The following GFRA2 variants were observed in gnomAD, a reference collection of about 807,000 sequenced individuals.
GFRA2 encodes the protein GDNF family receptor alpha 2, also known as GDNF family receptor alpha-2.
In GFRA2, 17 loss-of-function variants were observed where a neutral mutation model predicts 48.3. The observed-to-expected ratio is 0.35, with a 90% confidence interval of 0.24 to 0.53. The LOEUF is 0.53. GFRA2 is among the 20% of genes least tolerant of loss of function. GFRA2 has a pLI of 0.93. For synonymous variants in GFRA2, 305 were observed against 257.2 expected (o/e 1.19, Z -1.78); for missense variants, 660 against 637.3 (o/e 1.04, Z -0.38).
At chr8:21,698,250 C>T (rs1408969954) in intron 7 of GFRA2, among the ~76,000 whole-genome samples, 1 of 152,172 alleles carries the variant, frequency 6.6e-6, no homozygotes, top group African/African-American at 2.4e-5. Context: ...AAGAGCTGAC[C>T]CCTGAGGGCT....
chr8:21,721,543 C>T (rs779680898), intron 4 of GFRA2, among the ~76,000 whole-genome samples: 51 of 152,220 alleles, frequency 3.4e-4, no homozygotes, highest in Non-Finnish European at 5.7e-4. Flanking sequence ...ACGCCCGCTG[C>T]ACCTCTCCAT....
At chr8:21,724,609 G>T (rs1019463528) in intron 4 of GFRA2, among the ~76,000 whole-genome samples, 1 of 152,170 alleles carries the variant, frequency 6.6e-6, no homozygotes, top group Non-Finnish European at 1.5e-5. Flanking sequence ...GAGACCAGAT[G>T]GTTGGTGATC....
Position 21,782,862 on chromosome 8 carries a change from C to T in GFRA2, c.78G>A (p.Leu26=). The T allele has an allele frequency of 6.4e-7, 1 of 1,567,506 alleles. No homozygotes were observed. The change falls in exon 2 of 9, where the codon CTG becomes CTA. Residue 26 remains leucine (L), a synonymous_variant. Coordinates refer to ENST00000524240, the MANE Select transcript of GFRA2 (RefSeq NM_001495.5). ...TLRSLASPSS[L]QGPELHGWRP... is the part of the protein sequence containing the mutation. ...GCCAGCCGTGGAGCTCGGGGCCCTG[C>T]AGGGAGGAAGGGCTGGCCAAAGAGC...
At chr8:21,803,856 C>T (rs1375161755) in intron 2 of GFRA2, among the ~76,000 whole-genome samples, 3 of 152,138 alleles carry the variant, frequency 2.0e-5, no homozygotes, top group Non-Finnish European at 2.9e-5. Context: ...TAGTCTGAAA[C>T]TCCCAGCGAC....
At chr8:21,783,975 T>C (rs1372781722) in intron 1 of GFRA2, among the ~76,000 whole-genome samples, 2 of 152,084 alleles carry the variant, frequency 1.3e-5, no homozygotes, top group Admixed American at 6.5e-5. Flanking sequence ...CTATCTCTTA[T>C]TTTGTTCTTC....
intron 7 of GFRA2, among the ~76,000 whole-genome samples, chr8:21,697,299 T>A (rs559522670): frequency 6.9e-6 from 1 of 143,948 alleles, no homozygotes; most frequent in Admixed American, 6.9e-5. Flanking sequence ...AGGGAAGAAA[T>A]AGAGGAAGGA....
intron 3 of GFRA2, among the ~76,000 whole-genome samples, chr8:21,771,758 G>A (rs1355603091): frequency 1.3e-5 from 2 of 152,166 alleles, no homozygotes; most frequent in African/African-American, 2.4e-5. Flanking sequence ...CCTCCCTGGT[G>A]TCCCACCTGG....
intron 3 of GFRA2, among the ~76,000 whole-genome samples, chr8:21,754,517 T>C (rs944109017): frequency 1.6e-5 from 2 of 125,100 alleles, no homozygotes; most frequent in Non-Finnish European, 1.9e-5. Flanking sequence ...TTTTTTTTTT[T>C]TTTTTTTTGA....
rs1366124048 is a variant in GFRA2 at position 21,693,230 on chromosome 8, T to C, written c.*48A>G. ...GTGTTTCCATTTCGTCAGGCGGCTG[T>C]TCTTGTCTGCGTAGCTTTCAAAAAT... On this transcript the variant is annotated 3_prime_UTR_variant, in exon 9 of 9. Coordinates refer to ENST00000524240, the MANE Select transcript of GFRA2 (RefSeq NM_001495.5). 3 of 1,569,324 alleles carry C rather than the reference T, an allele frequency of 1.9e-6. No homozygotes were observed. The highest frequency in any genetic ancestry group is 2.3e-5 in the South Asian group (2 of 85,610).
chr8:21,708,656 A>G (rs1802867305), intron 4 of GFRA2, among the ~76,000 whole-genome samples: 1 of 152,212 alleles, frequency 6.6e-6, no homozygotes, highest in African/African-American at 2.4e-5. Context: ...TGTCCTCATC[A>G]GAAGAGAAGA....
intron 4 of GFRA2, among the ~76,000 whole-genome samples, chr8:21,740,858 C>T (rs149195277): frequency 6.6e-6 from 1 of 152,212 alleles, no homozygotes; most frequent in Non-Finnish European, 1.5e-5. Context: ...AGCCAGAAGC[C>T]GGTGAGTCAT....
chr8:21,712,505 C>T (rs904867510), intron 4 of GFRA2, among the ~76,000 whole-genome samples: 42 of 149,840 alleles, frequency 2.8e-4, no homozygotes, highest in Non-Finnish European at 4.6e-4. Flanking sequence ...CGGGCAGAGA[C>T]GCTCCTCACT....
chr8:21,747,377 CCTCT>C (rs954477557), intron 4 of GFRA2, among the ~76,000 whole-genome samples: 2 of 152,212 alleles, frequency 1.3e-5, no homozygotes, highest in Admixed American at 6.5e-5. Context: ...GCTCCCTCCT[CCTCT>C]CTAAGGCTGG....
chr8:21,714,710 G>C (rs1053229332), intron 4 of GFRA2, among the ~76,000 whole-genome samples: 1 of 152,282 alleles, frequency 6.6e-6, no homozygotes, highest in East Asian at 1.9e-4. Flanking sequence ...CCACGAAGTA[G>C]CATATTTCAC....
chr8:21,731,234 C>T (rs182678877), intron 4 of GFRA2, among the ~76,000 whole-genome samples: 3 of 152,218 alleles, frequency 2.0e-5, no homozygotes, highest in Admixed American at 1.3e-4. Flanking sequence ...GTGCCATAAC[C>T]CCACCCACTG....
At chr8:21,776,441 T>C (rs1241393593) in intron 2 of GFRA2, among the ~76,000 whole-genome samples, 1 of 150,878 alleles carries the variant, frequency 6.6e-6, no homozygotes, top group Non-Finnish European at 1.5e-5. Context: ...CAGCTGGAAT[T>C]TGACAACAGC....
intron 8 of GFRA2, among the ~76,000 whole-genome samples, chr8:21,693,731 A>G (rs192240001): frequency 0.056 from 384 of 6,848 alleles, no homozygotes; most frequent in Admixed American, 0.098. Flanking sequence ...GGCAGATGGT[A>G]TAAAGAGCTG....
At chr8:21,737,537 C>A (rs982633363) in intron 4 of GFRA2, among the ~76,000 whole-genome samples, 2 of 152,150 alleles carry the variant, frequency 1.3e-5, no homozygotes, top group African/African-American at 4.8e-5. Flanking sequence ...GAGCCCCTGC[C>A]TGTTCAGTGT....
chr8:21,693,521 T>G, intron 8 of GFRA2, 121 bp from the exon 9 acceptor site: 4 of 877,222 alleles, frequency 4.6e-6, no homozygotes, highest in Non-Finnish European at 6.8e-6. Context: ...GCCCCTGTCC[T>G]CTCTTCCACC....
Sources: allele counts gnomAD v4.1 joint callset (sites outside exome capture counted in the v4.1 genomes callset), GRCh38; gene constraint gnomAD v4.1.1; transcripts MANE v1.5; gene names NCBI Gene and HGNC (gene_info 2026-07-23, HGNC 2026-07-21).